CLVS1: variants seen among roughly 807,000 people sequenced by gnomAD.
CLVS1 encodes the protein clavesin 1.
CLVS1 carries 10 observed loss-of-function variants against 33.1 expected under a neutral mutation model. The ratio of observed to expected loss-of-function variants is 0.30; its 90% CI spans 0.19 to 0.51. The LOEUF (loss-of-function observed/expected upper bound fraction) is 0.51, where lower values mean the gene tolerates loss of function less well. Among genes scored for constraint, CLVS1 ranks in the 20% least tolerant of loss-of-function variants. The pLI, the probability that CLVS1 is intolerant of heterozygous loss-of-function variation, is 0.97. For synonymous variants in CLVS1, 163 were observed against 166.1 expected, an observed-to-expected ratio of 0.98 and a Z score of 0.14; for missense variants, 343 against 433.4, an observed-to-expected ratio of 0.79 and a Z score of 1.85.
chr8:61,317,869 A>G (rs554093915), intron 2 of CLVS1, among the ~76,000 whole-genome samples: 3 of 152,186 alleles, frequency 2.0e-5, no homozygotes, highest in African/African-American at 7.2e-5. Flanking sequence ...ATCATTATTC[A>G]ACACCATGGT....
intron 2 of CLVS1, among the ~76,000 whole-genome samples, chr8:61,168,215 T>C (rs982464954): frequency 6.6e-6 from 1 of 152,190 alleles, no homozygotes; most frequent in African/African-American, 2.4e-5. Flanking sequence ...ACTAGCCCTC[T>C]TTTTGGGGTC....
intron 2 of CLVS1, among the ~76,000 whole-genome samples, chr8:61,207,729 T>C (rs986653198): frequency 2.6e-5 from 4 of 152,140 alleles, no homozygotes; most frequent in African/African-American, 9.7e-5. Context: ...GGGGAAATGA[T>C]TATAATGTAG....
rs552719039 is a variant in CLVS1 at position 61,255,217 on chromosome 8, G to A, written c.-151-44460G>A. 3.5e-3 allele frequency among the ~76,000 whole-genome samples: 526 copies of A among 152,300 alleles called. 2 individuals are homozygous for A. Among genetic ancestry groups the A allele is most frequent in the Non-Finnish European group, 5.1e-3 (350 of 68,016 alleles). Reference sequence around the variant, plus strand: ...AAGAAACTTGGAATTCCTTTTAAAAGAAGAATATTGATTTCCAGAGTGTTG... The same window carrying A: ...AAGAAACTTGGAATTCCTTTTAAAAAAAGAATATTGATTTCCAGAGTGTTG... On this transcript the variant is annotated intron_variant, in intron 2 of 2. Coordinates refer to the CLVS1 transcript ENST00000522621.
chr8:61,246,069 G>A (rs1189430644), intron 2 of CLVS1, among the ~76,000 whole-genome samples: 2 of 149,806 alleles, frequency 1.3e-5, no homozygotes, highest in Non-Finnish European at 3.0e-5. Context: ...ACTGCACCCA[G>A]CACTGTCTTA....
intron 1 of CLVS1, chr8:61,090,912 G>C (rs765158391): frequency 2.7e-5 from 14 of 518,738 alleles, no homozygotes; most frequent in Non-Finnish European, 5.4e-5. Context: ...AGATGTTGGG[G>C]GACCTTGAAA....
intron 3 of CLVS1, among the ~76,000 whole-genome samples, chr8:61,416,677 C>G (rs1363280097): frequency 6.6e-6 from 1 of 152,122 alleles, no homozygotes; most frequent in Non-Finnish European, 1.5e-5. Flanking sequence ...CCTGCTTGGA[C>G]AAAACATGTG....
chr8:61,102,438 T>G (rs547337652), intron 1 of CLVS1, among the ~76,000 whole-genome samples: 1 of 152,366 alleles, frequency 6.6e-6, no homozygotes, highest in East Asian at 1.9e-4. Flanking sequence ...TTGATTTTTG[T>G]ATATTTATCT....
chr8:61,005,362 G>A, the CLVS1 span, among the ~76,000 whole-genome samples: 1 of 141,444 alleles, frequency 7.1e-6, no homozygotes, highest in South Asian at 2.4e-4. Context: ...CCAGGCAAGG[G>A]AACAACAGGG....
At chr8:61,213,602 CTT>C (rs1306910274) in intron 2 of CLVS1, among the ~76,000 whole-genome samples, 2 of 152,116 alleles carry the variant, frequency 1.3e-5, no homozygotes, top group East Asian at 3.9e-4. Context: ...TTCATGGACA[CTT>C]ATCACTTCCC....
At chr8:60,972,898 A>G in the CLVS1 span, among the ~76,000 whole-genome samples, 10 of 152,312 alleles carry the variant, frequency 6.6e-5, no homozygotes, top group East Asian at 1.5e-3. Context: ...CTCTATTGCA[A>G]TTCCTCATCT....
At chr8:61,414,320 C>T (rs1022512126) in intron 3 of CLVS1, among the ~76,000 whole-genome samples, 4 of 151,612 alleles carry the variant, frequency 2.6e-5, no homozygotes, top group East Asian at 1.9e-4. Context: ...TTGGATATGC[C>T]AGGGGATTTT....
At chr8:61,275,686 A>C (rs79968257) in intron 2 of CLVS1, among the ~76,000 whole-genome samples, 3,278 of 152,274 alleles carry the variant, frequency 0.022, 131 homozygotes, top group African/African-American at 0.075. Context: ...TTTATTGCTC[A>C]TTTCGCGCAA....
At chr8:61,040,361 T>A in the CLVS1 span, among the ~76,000 whole-genome samples, 29 of 152,342 alleles carry the variant, frequency 1.9e-4, 2 homozygotes, top group South Asian at 6.0e-3. Context: ...AGTAATGGGA[T>A]TACTGGGTTG....
At chr8:61,035,798 A>G in the CLVS1 span, among the ~76,000 whole-genome samples, 1 of 152,164 alleles carries the variant, frequency 6.6e-6, no homozygotes, top group Non-Finnish European at 1.5e-5. Flanking sequence ...TCCCCTCCTC[A>G]AATCCTTTCT....
At chr8:61,365,868 G>A (rs145589178) in intron 2 of CLVS1, among the ~76,000 whole-genome samples, 263 of 152,146 alleles carry the variant, frequency 1.7e-3, no homozygotes, top group African/African-American at 6.0e-3. Flanking sequence ...CCTACTGCCT[G>A]CTTTTGGTTT....
At chr8:61,038,184 A>G in the CLVS1 span, among the ~76,000 whole-genome samples, 1 of 152,070 alleles carries the variant, frequency 6.6e-6, no homozygotes, top group African/African-American at 2.4e-5. Flanking sequence ...CCTGCTATTG[A>G]CACATGCTTT....
chr8:61,082,148 A>AC (rs1201647857), intron 1 of CLVS1, among the ~76,000 whole-genome samples: 2 of 152,080 alleles, frequency 1.3e-5, no homozygotes, highest in Non-Finnish European at 2.9e-5. Context: ...CAATAAAAAA[A>AC]AATTCAACAG....
chr8:61,028,568 G>A, the CLVS1 span, among the ~76,000 whole-genome samples: 1 of 152,192 alleles, frequency 6.6e-6, no homozygotes, highest in Non-Finnish European at 1.5e-5. Context: ...ACTTAATTGG[G>A]TAGGTTCCTG....
At chr8:61,215,756 T>C (rs992398350) in intron 2 of CLVS1, among the ~76,000 whole-genome samples, 1 of 151,438 alleles carries the variant, frequency 6.6e-6, no homozygotes, top group African/African-American at 2.4e-5. Flanking sequence ...TATTCATCCA[T>C]GTAAAGGTTT....
Sources: gnomAD v4.1 joint callset for allele counts (sites outside exome capture counted in the v4.1 genomes callset) on GRCh38, gnomAD v4.1.1 for gene constraint, MANE v1.5 for transcripts, NCBI Gene and HGNC (gene_info 2026-07-23, HGNC 2026-07-21) for gene names.